The following IQGAP3 variants were observed in gnomAD, a reference collection of about 807,000 sequenced individuals.
IQGAP3 encodes the protein IQ motif containing GTPase activating protein 3.
IQGAP3 carries 165 observed loss-of-function variants against 208.2 expected under a neutral mutation model. The ratio of observed to expected loss-of-function variants is 0.79; its 90% CI spans 0.70 to 0.90. The LOEUF (loss-of-function observed/expected upper bound fraction) is 0.90, where lower values mean the gene tolerates loss of function less well. Among genes scored for constraint, IQGAP3 ranks in the 40% least tolerant of loss-of-function variants. The pLI is 0.00. For synonymous variants in IQGAP3, 703 were observed against 803.6 expected (o/e 0.87, Z 2.12); for missense variants, 1,811 against 2,043.1 (o/e 0.89, Z 2.19).
Position 156,535,154 on chromosome 1 carries a change from A to G in IQGAP3, c.3507+9T>C. ...GATTGGGAGGTGGGGGTGGGGAGAC[A>G]ACACTTGCCTTATAGACCTCGCTGT... is the stretch of plus-strand genomic sequence containing the variant. On this transcript the variant is annotated intron_variant, in intron 28 of 37. Transcript: ENST00000361170. 1 of 1,607,780 alleles carries G rather than the reference A, an allele frequency of 6.2e-7. No homozygotes were observed. Among genetic ancestry groups the G allele is most frequent in the Non-Finnish European group, 8.5e-7 (1 of 1,174,390 alleles).
intron 23 of IQGAP3, 37 bp downstream of exon 23, chr1:156,540,671 C>A: frequency 6.4e-7 from 1 of 1,555,108 alleles, no homozygotes; most frequent in Non-Finnish European, 8.9e-7. Context: ...CAGAGGCAGG[C>A]AGATCTCGGG....
Position 156,527,252 on chromosome 1 carries a change from C to T in IQGAP3, c.4783-653G>A, listed in dbSNP as rs9633335. Among the ~76,000 whole-genome samples, 549 of 151,052 alleles carry T rather than the reference C, an allele frequency of 3.6e-3. 32 individuals carry two copies. In the East Asian group the frequency reaches 0.09, roughly 25 times the overall value. ...ATCCCAGCATTTTGGGAGGCTGAGG[C>T]GGGCGGATCACAAGGTCAGCAGTTC... On this transcript the variant is annotated intron_variant, in intron 37 of 37. Transcript: ENST00000361170.
At chr1:156,547,463 T>G (rs1254570092) in intron 19 of IQGAP3, among the ~76,000 whole-genome samples, 2 of 151,720 alleles carry the variant, frequency 1.3e-5, no homozygotes, top group African/African-American at 4.8e-5. Flanking sequence ...TCTCGCTCTG[T>G]TGCCCATGCT....
At chr1:156,537,106 C>A in intron 27 of IQGAP3, 75 bp downstream of exon 27, 1 of 1,503,694 alleles carries the variant, frequency 6.7e-7, no homozygotes. Flanking sequence ...GGACTATCAC[C>A]CTGCTCTGCT....
At position 156,563,744 on chromosome 1, in the gene IQGAP3, G is replaced by A. The variant is rs540628905; in HGVS notation, c.505+13C>T. On this transcript the variant is annotated intron_variant, in intron 6 of 37. Coordinates refer to ENST00000361170, the MANE Select transcript of IQGAP3 (RefSeq NM_178229.5). ...GCCCAGGCTGTGGTGGTCAGGGAAG[G>A]AGCTGGGCTTACCTGTGAATTTCAC... 6.2e-7 allele frequency: 1 copy of A among 1,612,852 alleles called. No homozygotes were observed. Among genetic ancestry groups the A allele is most frequent in the African/African-American group, 1.3e-5 (1 of 75,018 alleles).
In IQGAP3 at chr1:156,539,439, G is replaced by GGCA. The variant is rs778622114; in HGVS notation, c.2988_2990dup (p.Ala997dup). 69 of 1,614,028 alleles carry GGCA rather than the reference G, an allele frequency of 4.3e-5. No homozygotes were observed. Among genetic ancestry groups the GGCA allele is most frequent in the Non-Finnish European group, 5.7e-5 (67 of 1,180,008 alleles). On this transcript the variant is annotated inframe_insertion, in exon 25 of 38. Transcript: ENST00000361170. ...GGAGATAGGCCTCTCGGCGGCTGGAGGCATAGTTGTACAGGCTGAAAATCA... is the reference window on the plus strand; with the variant it reads ...GGAGATAGGCCTCTCGGCGGCTGGAGGCAGCATAGTTGTACAGGCTGAAAATCA...
chr1:156,534,777 T>A (rs1345218714), intron 28 of IQGAP3, 44 bp from the exon 29 acceptor site: 37 of 1,362,672 alleles, frequency 2.7e-5, no homozygotes, highest in Non-Finnish European at 3.4e-5. Context: ...AGGGGCCGCC[T>A]TGACTGGTGC....
chr1:156,556,385 A>G lies in IQGAP3; in HGVS notation c.1290+148T>C, dbSNP rs576742288. Reference sequence around the variant, plus strand: ...AGGTATTGGCTATTAAAATACGCTCAGTAAGGCAGGGATGGTAGCTCTTTC... The same window carrying G: ...AGGTATTGGCTATTAAAATACGCTCGGTAAGGCAGGGATGGTAGCTCTTTC... On this transcript the variant is annotated intron_variant, in intron 12 of 37. Transcript: ENST00000361170. The G allele has an allele frequency of 1.6e-3, 1,092 of 695,032 alleles. 2 individuals are homozygous for G. The highest frequency in any genetic ancestry group is 2.3e-3 in the Non-Finnish European group (977 of 415,962). 43.1% of individuals were successfully genotyped at this position (695,032 alleles called of 1,614,324 possible). A position where few individuals can be genotyped will look rare whatever the true frequency, so the allele number is the denominator to read the frequency against.
Position 156,564,694 on chromosome 1 carries a change from A to G in IQGAP3, c.361-3T>C. ...TCCGTGGTCTCTGGGAAGAAGGTCT[A>G]GAGGAGAAACCAGCCAGTTACTGCC... On this transcript the variant is annotated splice_polypyrimidine_tract_variant and splice_region_variant and intron_variant, in intron 4 of 37. Transcript: ENST00000361170. 2 of 1,612,414 alleles carry G rather than the reference A, an allele frequency of 1.2e-6. No homozygotes were observed. The highest frequency in any genetic ancestry group is 1.7e-6 in the Non-Finnish European group (2 of 1,178,608).
chr1:156,564,867 A>G (rs1287180511), intron 4 of IQGAP3, among the ~76,000 whole-genome samples, 176 bp from the exon 5 acceptor site: 1 of 152,146 alleles, frequency 6.6e-6, no homozygotes, highest in Non-Finnish European at 1.5e-5. Flanking sequence ...GTATAAAAGA[A>G]ATTCACTGAG....
intron 11 of IQGAP3, among the ~76,000 whole-genome samples, chr1:156,557,611 T>TA (rs1675902013): frequency 6.1e-5 from 1 of 16,344 alleles, no homozygotes; most frequent in Non-Finnish European, 1.5e-4. Flanking sequence ...GGGAGGGAGG[T>TA]GGGGGGGTCA....
intron 15 of IQGAP3, 37 bp from the exon 16 acceptor site, chr1:156,550,388 AAGCT>A (rs762383803): frequency 2.6e-6 from 4 of 1,511,608 alleles, no homozygotes; most frequent in Non-Finnish European, 3.7e-6. Context: ...ATGTGACCCC[AAGCT>A]AGTCTCTCTA....
chr1:156,534,172 G>T, intron 29 of IQGAP3, 31 bp from the exon 30 acceptor site: 1 of 1,610,348 alleles, frequency 6.2e-7, no homozygotes. Flanking sequence ...TGAGAGAGCG[G>T]GGAGGGCCAG....
intron 1 of IQGAP3, among the ~76,000 whole-genome samples, chr1:156,569,974 C>T (rs1474604522): frequency 1.3e-5 from 2 of 152,180 alleles, no homozygotes; most frequent in Non-Finnish European, 2.9e-5. Context: ...TAGCCATCTT[C>T]CTGTCCTCTT....
intron 19 of IQGAP3, among the ~76,000 whole-genome samples, chr1:156,547,408 CACACACACACACACACAG>C (rs1384066190): frequency 6.6e-6 from 1 of 151,588 alleles, no homozygotes; most frequent in African/African-American, 2.4e-5. Flanking sequence ...CACACACACA[CACACACACACACACACAG>C]ACACACACAC....
At position 156,535,157 on chromosome 1, in the gene IQGAP3, A is replaced by C; in HGVS notation, c.3507+6T>G. 1 of 1,609,044 alleles carries C rather than the reference A, an allele frequency of 6.2e-7. No individual in the cohort carries two copies. The highest frequency in any genetic ancestry group is 1.3e-5 in the African/African-American group (1 of 74,892). ...TGGGAGGTGGGGGTGGGGAGACAAC[A>C]CTTGCCTTATAGACCTCGCTGTCTG... On this transcript the variant is annotated splice_donor_region_variant and intron_variant, in intron 28 of 37. Transcript: ENST00000361170.
At chr1:156,526,692 G>A (rs1299575631) in intron 37 of IQGAP3, 93 bp from the exon 38 acceptor site, 28 of 818,186 alleles carry the variant, frequency 3.4e-5, no homozygotes, top group Non-Finnish European at 6.3e-6. Flanking sequence ...GGGGCCTTCT[G>A]CAGTCACCAG....
intron 25 of IQGAP3, 141 bp from the exon 26 acceptor site, chr1:156,539,174 T>TTTGTGTTAGC (rs1433109650): frequency 3.5e-6 from 3 of 860,850 alleles, no homozygotes; most frequent in Non-Finnish European, 5.6e-6. Context: ...TCTCTCATCC[T>TTTGTGTTAGC]TTGTGTTAGC....
intron 11 of IQGAP3, among the ~76,000 whole-genome samples, chr1:156,559,483 A>C (rs996225128): frequency 6.6e-6 from 1 of 152,192 alleles, no homozygotes; most frequent in African/African-American, 2.4e-5. Context: ...AAGGATACCA[A>C]AGTACCTACA....
Sources: allele counts gnomAD v4.1 joint callset (sites outside exome capture counted in the v4.1 genomes callset), GRCh38; gene constraint gnomAD v4.1.1; transcripts MANE v1.5; gene names NCBI Gene and HGNC (gene_info 2026-07-23, HGNC 2026-07-21).